RBMS3: variants seen among roughly 807,000 people sequenced by gnomAD.
RBMS3 encodes the protein RNA-binding motif, single-stranded-interacting protein 3.
A neutral mutation model predicts 66.8 loss-of-function variants in RBMS3; 27 were observed. The ratio of observed to expected loss-of-function variants is 0.40; its 90% CI spans 0.30 to 0.56. The LOEUF is 0.56. RBMS3 is among the 20% of genes least tolerant of loss of function. The pLI is 0.40. For synonymous variants in RBMS3, 188 were observed against 183.0 expected (o/e 1.03, Z -0.22); for missense variants, 513 against 549.5 (o/e 0.93, Z 0.66).
At chr3:29,683,339 A>G (rs912996760) in intron 4 of RBMS3, among the ~76,000 whole-genome samples, 1 of 152,212 alleles carries the variant, frequency 6.6e-6, no homozygotes, top group Non-Finnish European at 1.5e-5. Flanking sequence ...TAGACAAGAG[A>G]AGGGAGGATG....
chr3:29,394,246 C>G, intron 1 of RBMS3, among the ~76,000 whole-genome samples: 1 of 152,186 alleles, frequency 6.6e-6, no homozygotes. Flanking sequence ...CTCCTATTCG[C>G]TTTCTGCAAG....
At chr3:29,429,021 T>C (rs2041077784) in intron 1 of RBMS3, among the ~76,000 whole-genome samples, 1 of 152,202 alleles carries the variant, frequency 6.6e-6, no homozygotes, top group Non-Finnish European at 1.5e-5. Context: ...CTCCAGTGTT[T>C]ACTTCAAGGA....
intron 10 of RBMS3, among the ~76,000 whole-genome samples, chr3:29,924,351 G>A (rs999443824): frequency 3.6e-4 from 54 of 152,088 alleles, no homozygotes; most frequent in Non-Finnish European, 2.9e-5. Context: ...AAGGGTGTAG[G>A]AAATGTTTTT....
At chr3:29,854,867 G>A (rs980340813) in intron 6 of RBMS3, among the ~76,000 whole-genome samples, 1 of 152,072 alleles carries the variant, frequency 6.6e-6, no homozygotes, top group African/African-American at 2.4e-5. Context: ...CCAAAATAGA[G>A]CCTTTGAACT....
intron 10 of RBMS3, among the ~76,000 whole-genome samples, chr3:29,932,185 G>C (rs1577185304): frequency 6.6e-6 from 1 of 152,254 alleles, no homozygotes; most frequent in South Asian, 2.1e-4. Context: ...TATATGGTGT[G>C]ATTATTCAGA....
At chr3:29,696,793 T>C (rs2052300270) in intron 4 of RBMS3, among the ~76,000 whole-genome samples, 1 of 152,114 alleles carries the variant, frequency 6.6e-6, no homozygotes, top group Non-Finnish European at 1.5e-5. Context: ...CCACTGTGGG[T>C]GACTGCAGGT....
chr3:29,832,656 C>T (rs2058403365), intron 6 of RBMS3, among the ~76,000 whole-genome samples: 1 of 152,136 alleles, frequency 6.6e-6, no homozygotes. Context: ...CTGCCCAAGA[C>T]ATCCACTTCT....
chr3:29,864,493 GT>G (rs1282859452), intron 6 of RBMS3, among the ~76,000 whole-genome samples: 1 of 152,112 alleles, frequency 6.6e-6, no homozygotes, highest in East Asian at 1.9e-4. Flanking sequence ...TCTTTTTGTT[GT>G]TGTTGTTGTT....
chr3:29,367,087 CATT>C (rs1029315045), intron 1 of RBMS3, among the ~76,000 whole-genome samples: 3 of 151,868 alleles, frequency 2.0e-5, no homozygotes, highest in African/African-American at 7.3e-5. Context: ...ATTGTGTAAA[CATT>C]ATTTCTGAGT....
intron 8 of RBMS3, among the ~76,000 whole-genome samples, chr3:29,890,502 C>T (rs920346770): frequency 1.3e-5 from 2 of 151,728 alleles, no homozygotes; most frequent in Non-Finnish European, 3.0e-5. Flanking sequence ...GATGTAGTTG[C>T]AGCTTACTCC....
chr3:29,940,138 C>A (rs2061355845), intron 11 of RBMS3, among the ~76,000 whole-genome samples: 1 of 151,886 alleles, frequency 6.6e-6, no homozygotes, highest in Non-Finnish European at 1.5e-5. Flanking sequence ...CAAATACATT[C>A]TTTCTTCTAC....
At chr3:29,760,418 C>T (rs908885707) in intron 5 of RBMS3, among the ~76,000 whole-genome samples, 2 of 151,884 alleles carry the variant, frequency 1.3e-5, no homozygotes, top group Non-Finnish European at 2.9e-5. Flanking sequence ...AGATGAGTAC[C>T]CAGAGAGAGA....
intron 4 of RBMS3, among the ~76,000 whole-genome samples, chr3:29,602,620 A>G (rs192849257): frequency 6.6e-6 from 1 of 152,172 alleles, no homozygotes; most frequent in African/African-American, 2.4e-5. Context: ...CCAACATTCT[A>G]TACTCCAAAA....
At position 29,956,478 on chromosome 3, in the gene RBMS3, CT is replaced by C. The variant is rs573902196; in HGVS notation, c.1098+12226del. 1.6e-4 allele frequency among the ~76,000 whole-genome samples: 25 copies of C among 152,128 alleles called. No individual in the cohort carries two copies. The South Asian group carries it at 5.0e-3, about 30-fold the overall frequency. On this transcript the variant is annotated intron_variant, in intron 12 of 14. Transcript: ENST00000383767. Reference sequence around the variant, plus strand: ...AAGGGCTCTGCCATTCCTTTTATCCCTTGTGGTATTAAAGCTCAAATTTTTG... The same window carrying C: ...AAGGGCTCTGCCATTCCTTTTATCCCTGTGGTATTAAAGCTCAAATTTTTG...
chr3:29,723,354 G>A (rs925769580), intron 4 of RBMS3, among the ~76,000 whole-genome samples: 1 of 152,110 alleles, frequency 6.6e-6, no homozygotes. Flanking sequence ...TGGTGATTTT[G>A]TTAACGTCAA....
intron 4 of RBMS3, among the ~76,000 whole-genome samples, chr3:29,722,412 T>C (rs914366104): frequency 1.1e-4 from 16 of 152,146 alleles, no homozygotes; most frequent in African/African-American, 3.1e-4. Context: ...TATGTCCTAA[T>C]AACAAGGTAA....
chr3:29,397,500 T>C (rs1467391699), intron 1 of RBMS3, among the ~76,000 whole-genome samples: 1 of 152,146 alleles, frequency 6.6e-6, no homozygotes, highest in Non-Finnish European at 1.5e-5. Flanking sequence ...TTTACCATTG[T>C]ACTCAGCATG....
intron 11 of RBMS3, among the ~76,000 whole-genome samples, chr3:29,939,012 T>C (rs1258646750): frequency 6.6e-6 from 1 of 151,996 alleles, no homozygotes; most frequent in Non-Finnish European, 1.5e-5. Flanking sequence ...CAGTGGCTTC[T>C]AACTGGTGGG....
intron 4 of RBMS3, among the ~76,000 whole-genome samples, chr3:29,618,217 G>A (rs568842777): frequency 3.3e-5 from 5 of 152,238 alleles, no homozygotes; most frequent in South Asian, 4.1e-4. Context: ...AGAGTAGGCC[G>A]GGTGCAATGG....
Sources: allele counts gnomAD v4.1 joint callset (sites outside exome capture counted in the v4.1 genomes callset), GRCh38; gene constraint gnomAD v4.1.1; transcripts MANE v1.5; gene names NCBI Gene and HGNC (gene_info 2026-07-23, HGNC 2026-07-21).